MALRD1: variants seen among roughly 807,000 people sequenced by gnomAD.
The protein encoded by MALRD1 is MAM and LDL receptor class A domain containing 1, also known as MAM and LDL-receptor class A domain-containing protein 1.
A neutral mutation model predicts 242.1 loss-of-function variants in MALRD1; 247 were observed. The ratio of observed to expected loss-of-function variants is 1.02; its 90% CI spans 0.92 to 1.13. The LOEUF is 1.13. MALRD1 is among the 50% of genes most tolerant of loss of function. MALRD1 has a pLI of 0.00. For missense variants in MALRD1, 2,989 were observed against 2,533.1 expected (o/e 1.18, Z -3.86); for synonymous variants, 995 against 866.6 (o/e 1.15, Z -2.60).
At chr10:19,109,355 G>C (rs1003790482) in intron 5 of MALRD1, among the ~76,000 whole-genome samples, 1 of 152,196 alleles carries the variant, frequency 6.6e-6, no homozygotes, top group African/African-American at 2.4e-5. Flanking sequence ...CGGGTTGGGT[G>C]TGGCTTCTTT....
At chr10:19,067,843 T>A (rs1252210466) in intron 2 of MALRD1, among the ~76,000 whole-genome samples, 3 of 152,098 alleles carry the variant, frequency 2.0e-5, no homozygotes, top group African/African-American at 7.2e-5. Context: ...TTCTGAATAA[T>A]TTTGGTGTTG....
At chr10:19,300,551 G>A (rs563703444) in intron 21 of MALRD1, among the ~76,000 whole-genome samples, 1 of 151,866 alleles carries the variant, frequency 6.6e-6, no homozygotes, top group East Asian at 1.9e-4. Context: ...CAGAAATAAA[G>A]CTGCACACCT....
chr10:19,561,000 T>G (rs1251951836), intron 32 of MALRD1, among the ~76,000 whole-genome samples: 1 of 152,076 alleles, frequency 6.6e-6, no homozygotes, highest in East Asian at 1.9e-4. Flanking sequence ...TAAAAATAAT[T>G]TCCTGACTAT....
At chr10:19,702,098 T>G (rs910379556) in intron 38 of MALRD1, among the ~76,000 whole-genome samples, 1 of 152,130 alleles carries the variant, frequency 6.6e-6, no homozygotes, top group African/African-American at 2.4e-5. Context: ...TTCGTGCTAT[T>G]ATATTTAAAG....
At chr10:19,448,319 T>C (rs1379478552) in intron 28 of MALRD1, among the ~76,000 whole-genome samples, 1 of 152,230 alleles carries the variant, frequency 6.6e-6, no homozygotes, top group Non-Finnish European at 1.5e-5. Flanking sequence ...GTCTACTTTT[T>C]TGATTACAAG....
At chr10:19,084,017 C>A (rs1263567711) in intron 2 of MALRD1, among the ~76,000 whole-genome samples, 1 of 151,956 alleles carries the variant, frequency 6.6e-6, no homozygotes, top group Non-Finnish European at 1.5e-5. Flanking sequence ...ATTTTATGAT[C>A]TCCTAAAGCG....
At chr10:19,657,673 G>T (rs148276723) in intron 36 of MALRD1, among the ~76,000 whole-genome samples, 1 of 151,926 alleles carries the variant, frequency 6.6e-6, no homozygotes, top group African/African-American at 2.4e-5. Context: ...ATCACCTCAA[G>T]CATTTATGTT....
At chr10:19,326,438 T>TAAAA (rs1843138524) in intron 22 of MALRD1, among the ~76,000 whole-genome samples, 2 of 152,116 alleles carry the variant, frequency 1.3e-5, no homozygotes, top group African/African-American at 4.8e-5. Context: ...AAAATAACAT[T>TAAAA]AAATGTTGCA....
At position 19,257,611 on chromosome 10, in the gene MALRD1, T is replaced by C. The variant is rs921314642; in HGVS notation, c.2992-73T>C. The stretch of plus-strand genomic sequence containing the variant: ...TGGGTACATTTTAAATTCCTCTTCA[T>C]CCATTCCATAACTTAATTTCCTTTA... On this transcript the variant is annotated intron_variant, in intron 18 of 39. Transcript: ENST00000454679. 3.5e-6 allele frequency: 4 copies of C among 1,139,214 alleles called. No individual in the cohort carries two copies. The African/African-American group carries it at 6.3e-5, about 18-fold the overall frequency. 70.6% of individuals were successfully genotyped at this position (1,139,214 alleles called of 1,614,324 possible). A position where few individuals can be genotyped will look rare whatever the true frequency, so the allele number is the denominator to read the frequency against.
At chr10:19,194,866 C>A (rs1564457938) in intron 14 of MALRD1, among the ~76,000 whole-genome samples, 1 of 152,176 alleles carries the variant, frequency 6.6e-6, no homozygotes, top group Non-Finnish European at 1.5e-5. Context: ...AAAGTCAATT[C>A]TTAGCCCTCA....
chr10:19,526,560 A>T (rs1232112319), intron 31 of MALRD1, among the ~76,000 whole-genome samples: 1 of 152,120 alleles, frequency 6.6e-6, no homozygotes, highest in East Asian at 1.9e-4. Flanking sequence ...TTTGGCCAAG[A>T]TTCAGTTTTC....
At chr10:19,082,790 A>T (rs2131283952) in intron 2 of MALRD1, among the ~76,000 whole-genome samples, 1 of 152,082 alleles carries the variant, frequency 6.6e-6, no homozygotes, top group East Asian at 1.9e-4. Flanking sequence ...TTTGTTGTTA[A>T]TTTAGTGACT....
At chr10:19,231,763 T>C (rs1404172008) in intron 18 of MALRD1, among the ~76,000 whole-genome samples, 1 of 152,178 alleles carries the variant, frequency 6.6e-6, no homozygotes, top group African/African-American at 2.4e-5. Flanking sequence ...GGTATGACTT[T>C]ATTAGCAGCA....
chr10:19,530,418 A>AT (rs1200557957), intron 31 of MALRD1, among the ~76,000 whole-genome samples: 3 of 83,726 alleles, frequency 3.6e-5, no homozygotes, highest in South Asian at 3.0e-4. Context: ...TTTATATAAT[A>AT]ATAAATATAT....
intron 15 of MALRD1, 89 bp downstream of exon 15, chr10:19,203,969 A>G (rs1564464392): frequency 2.8e-6 from 4 of 1,434,288 alleles, no homozygotes; most frequent in East Asian, 5.0e-5. Context: ...CGGTTCTGTG[A>G]TAACTACAAC....
chr10:19,311,566 A>C (rs1456412604), intron 21 of MALRD1, among the ~76,000 whole-genome samples: 2 of 151,536 alleles, frequency 1.3e-5, no homozygotes, highest in African/African-American at 4.8e-5. Context: ...AAATTAAGTC[A>C]TTAAGTTCAA....
At chr10:19,285,336 A>G (rs12356788) in intron 21 of MALRD1, among the ~76,000 whole-genome samples, 20,011 of 112,088 alleles carry the variant, frequency 0.18, 1,813 homozygotes, top group South Asian at 0.22. Flanking sequence ...CCACGCCTAT[A>G]TCCTGAATGG....
At chr10:19,241,707 C>G (rs957761899) in intron 18 of MALRD1, among the ~76,000 whole-genome samples, 2 of 152,090 alleles carry the variant, frequency 1.3e-5, no homozygotes, top group Non-Finnish European at 2.9e-5. Context: ...AAATTTCCCT[C>G]TTAGAACTGC....
intron 30 of MALRD1, among the ~76,000 whole-genome samples, chr10:19,496,042 C>G (rs1319782104): frequency 2.6e-5 from 4 of 152,094 alleles, no homozygotes; most frequent in Non-Finnish European, 5.9e-5. Flanking sequence ...ATATAGGCAC[C>G]CAACACAGGA....
Sources: allele counts gnomAD v4.1 joint callset (sites outside exome capture counted in the v4.1 genomes callset), GRCh38; gene constraint gnomAD v4.1.1; transcripts MANE v1.5; gene names NCBI Gene and HGNC (gene_info 2026-07-23, HGNC 2026-07-21).